PCDH11X: variants seen among roughly 807,000 people sequenced by gnomAD.
PCDH11X encodes protocadherin 11 X-linked.
PCDH11X carries 18 observed loss-of-function variants against 53.3 expected under a neutral mutation model. The observed-to-expected ratio is 0.34, with a 90% CI of 0.23 to 0.50. The LOEUF is 0.50. PCDH11X is among the 20% of genes least tolerant of loss of function. The probability of loss-of-function intolerance (pLI) is 0.98; values close to 1 mark genes in which losing one functional copy is unlikely to be tolerated. For synonymous variants in PCDH11X, 279 were observed against 393.3 expected (o/e 0.71, Z 3.44); for missense variants, 570 against 1,032.4 (o/e 0.55, Z 6.14).
chrX:92,529,237 A>G lies in PCDH11X; in HGVS notation c.3367+60915A>G, dbSNP rs1432159964. Reference sequence around the variant, plus strand: ...ACCATTGTTTGTTTCTGGATGAGTTATTAATGCTAGATGCATTAGTCATGG... The same window carrying G: ...ACCATTGTTTGTTTCTGGATGAGTTGTTAATGCTAGATGCATTAGTCATGG... On this transcript the variant is annotated intron_variant, in intron 10 of 10. Transcript: ENST00000682573. Among the ~76,000 whole-genome samples the G allele has an allele frequency of 2.7e-5, 3 of 111,887 alleles. No individual in the cohort carries two copies. The East Asian group carries it at 8.4e-4, about 31-fold the overall frequency.
chrX:92,130,972 A>C (rs1452784158), intron 6 of PCDH11X, among the ~76,000 whole-genome samples: 3 of 110,048 alleles, frequency 2.7e-5, no homozygotes, highest in African/African-American at 6.6e-5. Context: ...AAAAAAAAAA[A>C]CCCATATACA....
At chrX:92,114,651 C>A (rs769334509) in intron 6 of PCDH11X, among the ~76,000 whole-genome samples, 17 of 111,460 alleles carry the variant, frequency 1.5e-4, no homozygotes, top group Non-Finnish European at 2.8e-4. Flanking sequence ...TCTGCTGCTT[C>A]TTCCTTTACA....
At chrX:92,049,331 T>C (rs990910153) in intron 6 of PCDH11X, among the ~76,000 whole-genome samples, 1 of 111,437 alleles carries the variant, frequency 9.0e-6, no homozygotes, top group Non-Finnish European at 1.9e-5. Context: ...CAGAGTCAGA[T>C]TGGAAAGTAA....
chrX:91,848,685 T>C (rs1180736120), intron 5 of PCDH11X, among the ~76,000 whole-genome samples: 1 of 111,951 alleles, frequency 8.9e-6, no homozygotes, highest in Admixed American at 9.5e-5. Context: ...TCTACATTCA[T>C]TTGCCTGAAT....
intron 6 of PCDH11X, among the ~76,000 whole-genome samples, chrX:92,070,646 T>A: frequency 9.0e-6 from 1 of 111,520 alleles, no homozygotes; most frequent in Non-Finnish European, 1.9e-5. Flanking sequence ...TGAGGTGATC[T>A]CCTTCAGGTT....
At chrX:92,313,295 G>A (rs988312016) in intron 8 of PCDH11X, among the ~76,000 whole-genome samples, 1 of 110,228 alleles carries the variant, frequency 9.1e-6, no homozygotes, top group African/African-American at 3.3e-5. Flanking sequence ...AACTTTGTCT[G>A]CAGATGATAA....
intron 6 of PCDH11X, among the ~76,000 whole-genome samples, chrX:92,101,151 G>A (rs747755769): frequency 8.9e-6 from 1 of 111,796 alleles, no homozygotes; most frequent in Non-Finnish European, 1.9e-5. Context: ...TGATGGCTTG[G>A]AGAAACAGTG....
At chrX:92,250,290 A>G (rs1331004173) in intron 7 of PCDH11X, among the ~76,000 whole-genome samples, 1 of 111,044 alleles carries the variant, frequency 9.0e-6, no homozygotes, top group Non-Finnish European at 1.9e-5. Flanking sequence ...GTTAAAAACA[A>G]ATTACCTTGT....
chrX:92,147,819 C>CTTTCTTTCTTTCTTTCTT (rs2065300314), intron 6 of PCDH11X, among the ~76,000 whole-genome samples: 1 of 81,662 alleles, frequency 1.2e-5, no homozygotes, highest in Non-Finnish European at 2.1e-5. Flanking sequence ...TCCTTTCTTT[C>CTTTCTTTCTTTCTTTCTT]TTTCTTTCTT....
chrX:92,180,801 T>A (rs1037785629), intron 6 of PCDH11X, among the ~76,000 whole-genome samples: 1 of 111,973 alleles, frequency 8.9e-6, no homozygotes, highest in Admixed American at 9.5e-5. Flanking sequence ...TTGCTTCTTA[T>A]GGCCTTCCGC....
chrX:92,621,922 T>C lies in PCDH11X; in HGVS notation c.*2982T>C, dbSNP rs1314201590. 9.2e-6 allele frequency: 1 copy of C among 108,557 alleles called. No individual in the cohort carries two copies. Among genetic ancestry groups the C allele is most frequent in the Non-Finnish European group, 1.9e-5 (1 of 52,400 alleles). The allele number at this position is 108,557 out of a possible 1,213,427, so 8.9% of individuals were successfully genotyped here. On this transcript the variant is annotated 3_prime_UTR_variant, in exon 11 of 11. Coordinates refer to ENST00000682573, the MANE Select transcript of PCDH11X (RefSeq NM_032968.5). ...TCCATATTCCATTAGATTGTGATTA[T>C]TAATTTTCTAGCTATGGTATTACTA...
At chrX:92,515,701 C>T (rs2074257979) in intron 10 of PCDH11X, among the ~76,000 whole-genome samples, 1 of 110,831 alleles carries the variant, frequency 9.0e-6, no homozygotes, top group South Asian at 3.7e-4. Context: ...AAATATGTTT[C>T]CATCAAAAAA....
chrX:92,229,764 A>G (rs775963611), intron 7 of PCDH11X, among the ~76,000 whole-genome samples: 185 of 111,783 alleles, frequency 1.7e-3, no homozygotes, highest in Admixed American at 2.7e-3. Flanking sequence ...AAATCAAAAC[A>G]CTGAAGGAAT....
At chrX:92,121,870 C>A (rs980481591) in intron 6 of PCDH11X, among the ~76,000 whole-genome samples, 2 of 108,499 alleles carry the variant, frequency 1.8e-5, no homozygotes, top group African/African-American at 3.4e-5. Context: ...GGACTATAGG[C>A]GTGCACCACC....
intron 10 of PCDH11X, among the ~76,000 whole-genome samples, chrX:92,571,174 C>T (rs1421411221): frequency 3.6e-5 from 4 of 110,835 alleles, no homozygotes; most frequent in Non-Finnish European, 5.7e-5. Context: ...TTTAAATTAG[C>T]TCTCATTTGT....
chrX:92,240,080 C>T (rs2067237947), intron 7 of PCDH11X, among the ~76,000 whole-genome samples: 4 of 111,760 alleles, frequency 3.6e-5, no homozygotes, highest in African/African-American at 1.3e-4. Flanking sequence ...GTTGGAAGTC[C>T]AAGCACAGCA....
intron 10 of PCDH11X, among the ~76,000 whole-genome samples, chrX:92,601,444 A>G (rs1244899244): frequency 2.0e-5 from 2 of 100,879 alleles, no homozygotes; most frequent in Admixed American, 2.2e-4. Flanking sequence ...ACGCTAATAC[A>G]TTGCTGATGG....
At chrX:92,613,545 TTGTGTGTGTGTGTGTGTGTGTG>T (rs201132708) in intron 10 of PCDH11X, among the ~76,000 whole-genome samples, 2 of 65,539 alleles carry the variant, frequency 3.1e-5, no homozygotes, top group Non-Finnish European at 6.2e-5. Context: ...GTTGTTGTTG[TTGTGTGTGTGTGTGTGTGTGTG>T]TGTGTGTGTG....
At chrX:92,361,926 CT>C (rs899140465) in intron 8 of PCDH11X, among the ~76,000 whole-genome samples, 2 of 111,304 alleles carry the variant, frequency 1.8e-5, no homozygotes, top group Non-Finnish European at 3.8e-5. Flanking sequence ...TACTATTTGT[CT>C]TTTTTTGGGT....
Sources: allele counts gnomAD v4.1 joint callset (sites outside exome capture counted in the v4.1 genomes callset), GRCh38; gene constraint gnomAD v4.1.1; transcripts MANE v1.5; gene names NCBI Gene and HGNC (gene_info 2026-07-23, HGNC 2026-07-21).